Variants in AFF3 observed in about 807,000 individuals in gnomAD.
AFF3 encodes AF4/FMR2 family member 3.
AFF3 carries 32 observed loss-of-function variants against 129.7 expected under a neutral mutation model. The observed-to-expected ratio is 0.25, with a 90% CI of 0.19 to 0.33. AFF3 has a LOEUF of 0.33. AFF3 is among the 10% of genes least tolerant of loss of function. AFF3 has a pLI of 1.00. For synonymous variants in AFF3, 644 were observed against 635.4 expected, an observed-to-expected ratio of 1.01 and a Z score of -0.20; for missense variants, 1,373 against 1,592.0, an observed-to-expected ratio of 0.86 and a Z score of 2.34.
intron 7 of AFF3, among the ~76,000 whole-genome samples, chr2:99,890,685 G>A (rs1693483182): frequency 6.6e-6 from 1 of 152,076 alleles, no homozygotes; most frequent in African/African-American, 2.4e-5. Context: ...CAAAGGGCAG[G>A]ACTGTGGGGG....
At chr2:99,623,685 C>T (rs1044504591) in intron 13 of AFF3, among the ~76,000 whole-genome samples, 1 of 152,238 alleles carries the variant, frequency 6.6e-6, no homozygotes, top group African/African-American at 2.4e-5. Flanking sequence ...CCTGCCCAGC[C>T]ACCCACTGCA....
At chr2:100,027,144 T>C (rs1489003580) in intron 4 of AFF3, among the ~76,000 whole-genome samples, 2 of 152,164 alleles carry the variant, frequency 1.3e-5, no homozygotes, top group Non-Finnish European at 2.9e-5. Context: ...ACCTATCCTA[T>C]AGGCTTTAAT....
chr2:99,931,325 C>T (rs1576372172), intron 7 of AFF3, among the ~76,000 whole-genome samples: 1 of 152,312 alleles, frequency 6.6e-6, no homozygotes, highest in East Asian at 1.9e-4. Flanking sequence ...AAGAATTAGG[C>T]TGGTGCAAAA....
intron 7 of AFF3, among the ~76,000 whole-genome samples, chr2:99,839,614 TTTC>T (rs1689161833): frequency 1.4e-5 from 2 of 146,008 alleles, no homozygotes; most frequent in South Asian, 2.2e-4. Context: ...TTTTTCTTTC[TTTC>T]TTTTTTTTTT....
intron 8 of AFF3, among the ~76,000 whole-genome samples, chr2:99,784,577 T>C (rs1402218427): frequency 1.3e-5 from 2 of 152,210 alleles, no homozygotes; most frequent in Admixed American, 6.5e-5. Flanking sequence ...GCTAGTATGA[T>C]ATTGGAACGG....
Position 100,006,720 on chromosome 2 carries a change from G to A in AFF3, c.785C>T (p.Thr262Ile), listed in dbSNP as rs761879868. ...KSSSETSVHC[T>I]SYRGVPASKP... Reference sequence around the variant, plus strand: ...GCTGGCAGGGACTCCCCTGTATGATGTGCAGTGCACGCTGGTTTCCGAAGA... The same window carrying A: ...GCTGGCAGGGACTCCCCTGTATGATATGCAGTGCACGCTGGTTTCCGAAGA... Residue 262 changes from threonine (T) to isoleucine (I), a missense_variant, in exon 7 of 25, where the codon ACA (threonine) becomes ATA (isoleucine). Physicochemically the swap from Thr to Ile is moderately conservative, Grantham distance 89. Coordinates refer to ENST00000672756, the MANE Select transcript of AFF3 (RefSeq NM_001386135.1). The A allele has an allele frequency of 1.9e-6, 3 of 1,614,216 alleles. No individual in the cohort carries two copies. Among genetic ancestry groups the A allele is most frequent in the Admixed American group, 1.7e-5 (1 of 60,030 alleles).
At chr2:99,567,572 T>C (rs1676091653) in intron 19 of AFF3, among the ~76,000 whole-genome samples, 1 of 152,118 alleles carries the variant, frequency 6.6e-6, no homozygotes, top group Non-Finnish European at 1.5e-5. Context: ...GGGAGGAGAC[T>C]GAATATGACG....
intron 7 of AFF3, among the ~76,000 whole-genome samples, chr2:99,916,795 A>G (rs186256443): frequency 1.3e-5 from 2 of 152,034 alleles, no homozygotes; most frequent in African/African-American, 4.8e-5. Context: ...TAGGTCATCA[A>G]TTCTGGTTGT....
chr2:99,813,974 A>C (rs1687006445), intron 8 of AFF3, among the ~76,000 whole-genome samples: 1 of 152,164 alleles, frequency 6.6e-6, no homozygotes, highest in Admixed American at 6.5e-5. Context: ...AATAGATGCC[A>C]AATACTCAAA....
rs952378383 is a variant in AFF3 at position 100,006,799 on chromosome 2, T to G, written c.706A>C (p.Arg236=). Residue 236 remains arginine, a synonymous_variant, in exon 7 of 25, where the codon AGG becomes CGG. Coordinates refer to ENST00000672756, the MANE Select transcript of AFF3 (RefSeq NM_001386135.1). Reference sequence around the variant, plus strand: ...GCCTGATCTTGGCCGTCCATTGGCCTCACATACGCGGTCGGTTTCTGCTGG... The same window carrying G: ...GCCTGATCTTGGCCGTCCATTGGCCGCACATACGCGGTCGGTTTCTGCTGG... ...LVQQKPTAYV[R]PMDGQDQAPD... 2 of 1,614,090 alleles carry G rather than the reference T, an allele frequency of 1.2e-6. No individual in the cohort carries two copies. Among genetic ancestry groups the G allele is most frequent in the African/African-American group, 2.7e-5 (2 of 74,928 alleles).
At chr2:99,800,526 A>G (rs557019690) in intron 8 of AFF3, among the ~76,000 whole-genome samples, 31 of 152,358 alleles carry the variant, frequency 2.0e-4, no homozygotes, top group Middle Eastern at 3.4e-3. Flanking sequence ...AATGTTAAAC[A>G]TACTCCTATT....
chr2:99,949,776 T>G (rs1013974091), intron 7 of AFF3, among the ~76,000 whole-genome samples: 1 of 152,246 alleles, frequency 6.6e-6, no homozygotes, highest in Non-Finnish European at 1.5e-5. Context: ...CTACTCACCT[T>G]CTGCTGTGCG....
intron 10 of AFF3, among the ~76,000 whole-genome samples, chr2:99,730,495 G>A (rs1318393518): frequency 2.0e-5 from 3 of 151,720 alleles, no homozygotes; most frequent in African/African-American, 7.3e-5. Flanking sequence ...TTCTGCACAG[G>A]GAAGTTTTGC....
intron 7 of AFF3, among the ~76,000 whole-genome samples, chr2:99,863,214 C>T (rs1017095791): frequency 3.3e-5 from 5 of 152,200 alleles, no homozygotes; most frequent in Non-Finnish European, 7.3e-5. Flanking sequence ...TTGCCAACAG[C>T]TTCTGCATTG....
intron 16 of AFF3, 50 bp downstream of exon 16, chr2:99,587,104 G>C (rs778449431): frequency 1.5e-5 from 24 of 1,608,754 alleles, no homozygotes; most frequent in Non-Finnish European, 2.0e-5. Flanking sequence ...GTGACTTTCA[G>C]ACCCAGAGAT....
intron 7 of AFF3, among the ~76,000 whole-genome samples, chr2:99,928,618 T>TA (rs1447541593): frequency 2.0e-5 from 3 of 152,240 alleles, no homozygotes; most frequent in Admixed American, 6.5e-5. Flanking sequence ...TAAACTAAGT[T>TA]AGGTTCCTCT....
At chr2:99,802,980 A>G (rs552500992) in intron 8 of AFF3, among the ~76,000 whole-genome samples, 131 of 152,180 alleles carry the variant, frequency 8.6e-4, no homozygotes, top group Non-Finnish European at 1.4e-3. Flanking sequence ...CCCAGCTACG[A>G]CTTCCAGTGC....
At chr2:99,892,777 T>C (rs1392191622) in intron 7 of AFF3, among the ~76,000 whole-genome samples, 1 of 152,224 alleles carries the variant, frequency 6.6e-6, no homozygotes, top group East Asian at 1.9e-4. Context: ...TCTGTAGCAC[T>C]GCAGGCCCTG....
At chr2:100,050,055 T>A (rs1686160549) in intron 4 of AFF3, among the ~76,000 whole-genome samples, 1 of 151,756 alleles carries the variant, frequency 6.6e-6, no homozygotes, top group South Asian at 2.1e-4. Flanking sequence ...CTACTAAAAA[T>A]ACAAAAATTA....
Sources: gnomAD v4.1 joint callset for allele counts (sites outside exome capture counted in the v4.1 genomes callset) on GRCh38, gnomAD v4.1.1 for gene constraint, MANE v1.5 for transcripts, NCBI Gene and HGNC (gene_info 2026-07-23, HGNC 2026-07-21) for gene names.